The following VEGFD variants were observed in gnomAD, a reference collection of about 807,000 sequenced individuals.
The protein encoded by VEGFD is c-fos induced growth factor (vascular endothelial growth factor D).
VEGFD carries 26 observed loss-of-function variants against 28.0 expected under a neutral mutation model. The observed-to-expected ratio is 0.93, with a 90% CI of 0.68 to 1.29. VEGFD has a LOEUF of 1.29. Among genes scored for constraint, VEGFD ranks in the 50% most tolerant of loss-of-function variants. The pLI is 0.00. For missense variants in VEGFD, 294 were observed against 273.4 expected, an observed-to-expected ratio of 1.08 and a Z score of -0.53; for synonymous variants, 93 against 95.5, an observed-to-expected ratio of 0.97 and a Z score of 0.15.
intron 1 of VEGFD, 130 bp from the exon 2 acceptor site, chrX:15,363,449 G>A: frequency 1.9e-6 from 1 of 528,187 alleles, no homozygotes; most frequent in Non-Finnish European, 3.0e-6. Flanking sequence ...ACGTATGCCA[G>A]TGCCTAGGAA....
At chrX:15,371,207 C>T (rs1923300836) in intron 1 of VEGFD, among the ~76,000 whole-genome samples, 1 of 111,901 alleles carries the variant, frequency 8.9e-6, no homozygotes, top group Non-Finnish European at 1.9e-5. Flanking sequence ...AGCTAGCAAT[C>T]TATAAAGTGC....
intron 6 of VEGFD, among the ~76,000 whole-genome samples, chrX:15,346,557 G>A (rs1221741761): frequency 8.9e-6 from 1 of 112,134 alleles, no homozygotes; most frequent in Non-Finnish European, 1.9e-5. Flanking sequence ...TTGATGATCT[G>A]AAACCTCCCC....
intron 5 of VEGFD, among the ~76,000 whole-genome samples, chrX:15,351,179 G>A (rs1221784245): frequency 1.1e-5 from 1 of 93,799 alleles, no homozygotes; most frequent in East Asian, 3.3e-4. Context: ...GCAGTGGCGG[G>A]ATCTCGGCTC....
In VEGFD at chrX:15,346,077, T is replaced by C; in HGVS notation, c.*56A>G. The C allele has an allele frequency of 8.5e-7, 1 of 1,171,393 alleles. No homozygotes were observed. Among genetic ancestry groups the C allele is most frequent in the Non-Finnish European group, 1.1e-6 (1 of 873,573 alleles). On this transcript the variant is annotated 3_prime_UTR_variant, in exon 7 of 7. Coordinates refer to ENST00000297904, the MANE Select transcript of VEGFD (RefSeq NM_004469.5). ...CTGGGAAAAAAACAGTGACAGCAACTTGGCAAAGCAGCATGCTGTTAAAAA... is the reference window on the plus strand; with the variant it reads ...CTGGGAAAAAAACAGTGACAGCAACCTGGCAAAGCAGCATGCTGTTAAAAA...
rs1245921319 is a variant in VEGFD, at chrX:15,346,206, G to C, written c.992C>G (p.Ala331Gly). ...HTRPCASGKT[A>G]CAKHCRFPKE... Reference sequence around the variant, plus strand: ...TGGAAAGCGGCAATGCTTTGCACATGCTGTTTTGCCACTTGCACATGGTCT... The same window carrying C: ...TGGAAAGCGGCAATGCTTTGCACATCCTGTTTTGCCACTTGCACATGGTCT... The change falls in exon 7 of 7, where the codon GCA becomes GGA. Residue 331 changes from alanine (A) to glycine (G), a missense_variant. By Grantham distance (60) the Ala-to-Gly change is moderately conservative. Transcript: ENST00000297904. 42 of 1,209,115 alleles carry C rather than the reference G, an allele frequency of 3.5e-5. No individual in the cohort carries two copies. The highest frequency in any genetic ancestry group is 4.2e-5 in the Non-Finnish European group (38 of 894,164).
At chrX:15,351,533 T>C (rs932384764) in intron 5 of VEGFD, among the ~76,000 whole-genome samples, 2 of 112,077 alleles carry the variant, frequency 1.8e-5, no homozygotes, top group Non-Finnish European at 3.8e-5. Flanking sequence ...AAAAATTTTC[T>C]AACACTTTTA....
In VEGFD at chrX:15,345,796, C is replaced by T. The variant is rs1460163736; in HGVS notation, c.*337G>A. 5.3e-6 allele frequency: 1 copy of T among 188,766 alleles called. No individual in the cohort carries two copies. Among genetic ancestry groups the T allele is most frequent in the East Asian group, 1.1e-4 (1 of 8,994 alleles). 15.6% of individuals were successfully genotyped at this position (188,766 alleles called of 1,213,427 possible). A position where few individuals can be genotyped will look rare whatever the true frequency, so the allele number is the denominator to read the frequency against. ...CAAAGGACTCAGAGACTACAGTTTT[C>T]CTCATCTGCTCTGAGTAATCAGTCA... On this transcript the variant is annotated 3_prime_UTR_variant, in exon 7 of 7. Transcript: ENST00000297904.
At chrX:15,371,100 T>TG (rs1923296971) in intron 1 of VEGFD, among the ~76,000 whole-genome samples, 4 of 111,759 alleles carry the variant, frequency 3.6e-5, no homozygotes, top group South Asian at 7.5e-4. Context: ...TTTGACAAAG[T>TG]GGGGTCTAAC....
chrX:15,362,031 G>C (rs1923027066), intron 2 of VEGFD, among the ~76,000 whole-genome samples: 2 of 110,662 alleles, frequency 1.8e-5, no homozygotes, highest in Non-Finnish European at 1.9e-5. Context: ...GCCATGCCTG[G>C]CTAATTTTGT....
chrX:15,370,821 G>A (rs916331341), intron 1 of VEGFD, among the ~76,000 whole-genome samples: 3 of 109,713 alleles, frequency 2.7e-5, no homozygotes, highest in African/African-American at 1.0e-4. Flanking sequence ...TGAGTACAGG[G>A]AACTTTATTG....
At chrX:15,379,156 C>T (rs746088383) in intron 1 of VEGFD, among the ~76,000 whole-genome samples, 3 of 111,832 alleles carry the variant, frequency 2.7e-5, no homozygotes, top group Non-Finnish European at 5.6e-5. Flanking sequence ...GCATTTATCA[C>T]ACCTGACATG....
intron 1 of VEGFD, among the ~76,000 whole-genome samples, chrX:15,372,666 T>C (rs775664759): frequency 9.0e-5 from 10 of 111,581 alleles, no homozygotes; most frequent in Non-Finnish European, 1.9e-4. Flanking sequence ...CTATATTGTC[T>C]CTCTACTACT....
intron 2 of VEGFD, among the ~76,000 whole-genome samples, chrX:15,359,747 C>A (rs924364262): frequency 9.0e-6 from 1 of 111,680 alleles, no homozygotes; most frequent in African/African-American, 3.3e-5. Context: ...GGAACTAAGA[C>A]CCTCAGTCCA....
At chrX:15,346,411 C>T (rs1922549709) in intron 6 of VEGFD, 152 bp from the exon 7 acceptor site, 2 of 554,361 alleles carry the variant, frequency 3.6e-6, no homozygotes, top group Middle Eastern at 5.8e-4. Context: ...TCAAAATCTA[C>T]TGAAGTGAAT....
At position 15,356,088 on chromosome X, in the gene VEGFD, G is replaced by T. The variant is rs775075633; in HGVS notation, c.493-790C>A. ...GTATATCATTCTTTCTACGCTTTCC[G>T]TAGGCCAGGCCCTGTTGTAAGTGCT... is the stretch of plus-strand genomic sequence containing the variant. On this transcript the variant is annotated intron_variant, in intron 3 of 6. Coordinates refer to ENST00000297904, the MANE Select transcript of VEGFD (RefSeq NM_004469.5). Among the ~76,000 whole-genome samples, 8 of 112,074 alleles carry T rather than the reference G, an allele frequency of 7.1e-5. No homozygotes were observed. In the East Asian group the frequency reaches 2.2e-3, roughly 31 times the overall value.
chrX:15,349,045 G>A (rs748160248), intron 5 of VEGFD, among the ~76,000 whole-genome samples: 14 of 112,611 alleles, frequency 1.2e-4, no homozygotes, highest in Non-Finnish European at 2.1e-4. Flanking sequence ...AATGCACGAC[G>A]TTTGAGAATG....
intron 1 of VEGFD, among the ~76,000 whole-genome samples, chrX:15,368,166 G>T (rs1923226873): frequency 9.1e-6 from 1 of 109,430 alleles, no homozygotes; most frequent in Admixed American, 9.7e-5. Context: ...AAGAAAGAAA[G>T]AAAAGAAAGG....
intron 1 of VEGFD, among the ~76,000 whole-genome samples, chrX:15,372,611 G>GTGT (rs1923339961): frequency 9.0e-6 from 1 of 110,767 alleles, no homozygotes; most frequent in Non-Finnish European, 1.9e-5. Context: ...AACTTCCCAG[G>GTGT]TGTTAGCCTT....
At chrX:15,377,614 C>T (rs762989940) in intron 1 of VEGFD, among the ~76,000 whole-genome samples, 8 of 112,241 alleles carry the variant, frequency 7.1e-5, no homozygotes, top group Admixed American at 1.9e-4. Flanking sequence ...GTCATTAATA[C>T]GGTTTGTCAA....
Sources: allele counts gnomAD v4.1 joint callset (sites outside exome capture counted in the v4.1 genomes callset), GRCh38; gene constraint gnomAD v4.1.1; transcripts MANE v1.5; gene names NCBI Gene and HGNC (gene_info 2026-07-23, HGNC 2026-07-21).